Variants in PRKAR1A observed in about 807,000 individuals in gnomAD.
PRKAR1A encodes the protein cAMP-dependent protein kinase type I-alpha regulatory subunit.
PRKAR1A carries 3 observed loss-of-function variants against 52.0 expected under a neutral mutation model. The observed-to-expected ratio is 0.06, with a 90% CI of 0.03 to 0.15. PRKAR1A has a LOEUF of 0.15. Among genes scored for constraint, PRKAR1A ranks in the 10% least tolerant of loss-of-function variants. The probability of loss-of-function intolerance (pLI) is 1.00; values close to 1 mark genes in which losing one functional copy is unlikely to be tolerated. For synonymous variants in PRKAR1A, 188 were observed against 168.4 expected, an observed-to-expected ratio of 1.12 and a Z score of -0.90; for missense variants, 240 against 477.4, an observed-to-expected ratio of 0.50 and a Z score of 4.63.
At chr17:68,528,180 C>G (rs1040539587) in intron 8 of PRKAR1A, among the ~76,000 whole-genome samples, 5 of 152,190 alleles carry the variant, frequency 3.3e-5, no homozygotes, top group Non-Finnish European at 5.9e-5. Context: ...CTGGCATCCT[C>G]TGAAAACATG....
the PRKAR1A span, among the ~76,000 whole-genome samples, chr17:68,415,458 A>G: frequency 6.6e-6 from 1 of 152,164 alleles, no homozygotes; most frequent in Admixed American, 6.5e-5. Context: ...TGTCTTGGAG[A>G]AAGTTCCATG....
At chr17:68,520,248 G>T (rs1426052928) in intron 2 of PRKAR1A, among the ~76,000 whole-genome samples, 2 of 152,316 alleles carry the variant, frequency 1.3e-5, no homozygotes, top group East Asian at 1.9e-4. Flanking sequence ...CCTTAAGTCA[G>T]TGGGGTGGGA....
intron 1 of PRKAR1A, 139 bp from the exon 2 acceptor site, chr17:68,515,255 C>T (rs577340463): frequency 1.7e-5 from 14 of 832,360 alleles, no homozygotes; most frequent in Middle Eastern, 3.4e-4. Context: ...CCCTAGTCCC[C>T]ACTTCCCTGT....
chr17:68,426,261 T>C, the PRKAR1A span: 1 of 934,408 alleles, frequency 1.1e-6, no homozygotes, highest in South Asian at 1.3e-5. Context: ...GGGGCTCAAA[T>C]AAAGGGCAAA....
At chr17:68,514,605 T>A (rs2085371265) in intron 1 of PRKAR1A, among the ~76,000 whole-genome samples, 1 of 152,224 alleles carries the variant, frequency 6.6e-6, no homozygotes. Context: ...CTATTGAATC[T>A]TCATGCAAGT....
the PRKAR1A span, among the ~76,000 whole-genome samples, chr17:68,473,562 G>A: frequency 6.6e-5 from 10 of 151,766 alleles, no homozygotes; most frequent in South Asian, 2.1e-4. Flanking sequence ...TCACTCTGTC[G>A]CCCAGGCTGG....
At chr17:68,431,195 C>T in the PRKAR1A span, among the ~76,000 whole-genome samples, 18 of 152,250 alleles carry the variant, frequency 1.2e-4, 1 homozygote, top group African/African-American at 4.3e-4. Context: ...AGTTAATATG[C>T]GGTGCTGCAC....
the PRKAR1A span, among the ~76,000 whole-genome samples, chr17:68,479,767 C>T: frequency 1.3e-5 from 2 of 152,144 alleles, no homozygotes; most frequent in Middle Eastern, 3.2e-3. Context: ...AAGAAATACC[C>T]AAGACTGGGT....
At chr17:68,477,105 C>T in the PRKAR1A span, among the ~76,000 whole-genome samples, 1 of 152,158 alleles carries the variant, frequency 6.6e-6, no homozygotes, top group Non-Finnish European at 1.5e-5. Flanking sequence ...AAGTCCCAAA[C>T]ACTCTCTTCT....
the PRKAR1A span, among the ~76,000 whole-genome samples, chr17:68,443,988 G>T: frequency 6.6e-6 from 1 of 152,144 alleles, no homozygotes; most frequent in Non-Finnish European, 1.5e-5. Context: ...TAAATCCCGA[G>T]AATTCAGTAA....
the PRKAR1A span, chr17:68,421,364 C>A: frequency 6.0e-6 from 1 of 167,014 alleles, no homozygotes. Context: ...CCAAAAAAGA[C>A]TTTGCCTGGC....
intron 11 of PRKAR1A, among the ~76,000 whole-genome samples, chr17:68,549,403 A>G (rs1267421175): frequency 1.3e-5 from 2 of 151,978 alleles, no homozygotes; most frequent in African/African-American, 4.8e-5. Context: ...CTGAGGCAGG[A>G]TAATTGCTTG....
At chr17:68,455,547 T>C in the PRKAR1A span, among the ~76,000 whole-genome samples, 2 of 152,294 alleles carry the variant, frequency 1.3e-5, no homozygotes, top group South Asian at 4.1e-4. Flanking sequence ...AGTAAGGGGC[T>C]TGACTTATTT....
At chr17:68,489,270 ATATATATATATATATATATGGAAAG>A in the PRKAR1A span, among the ~76,000 whole-genome samples, 48 of 15,222 alleles carry the variant, frequency 3.2e-3, 5 homozygotes, top group Middle Eastern at 0.026. Context: ...TGGAAAGTAT[ATATATATATATATATATATGGAAAG>A]TATATATATA....
chr17:68,457,116 A>G, the PRKAR1A span, among the ~76,000 whole-genome samples: 9 of 150,320 alleles, frequency 6.0e-5, no homozygotes, highest in Admixed American at 4.0e-4. Context: ...CCTTGGCCCA[A>G]CCTTGTCGCT....
At chr17:68,464,734 G>T in the PRKAR1A span, among the ~76,000 whole-genome samples, 4 of 151,646 alleles carry the variant, frequency 2.6e-5, no homozygotes, top group African/African-American at 4.8e-5. Flanking sequence ...CATTGAAAAG[G>T]TTTATTCCTC....
At chr17:68,442,992 A>G in the PRKAR1A span, among the ~76,000 whole-genome samples, 1 of 152,190 alleles carries the variant, frequency 6.6e-6, no homozygotes, top group African/African-American at 2.4e-5. Context: ...AAAACTTACC[A>G]CCCACAGCTT....
At chr17:68,452,497 G>A in the PRKAR1A span, among the ~76,000 whole-genome samples, 2 of 152,130 alleles carry the variant, frequency 1.3e-5, no homozygotes, top group Non-Finnish European at 2.9e-5. Context: ...CCCAGGAGGT[G>A]GAGGTTGCAG....
the PRKAR1A span, among the ~76,000 whole-genome samples, chr17:68,424,049 G>A: frequency 6.6e-6 from 1 of 152,118 alleles, no homozygotes; most frequent in Admixed American, 6.6e-5. Context: ...TCGACTTCAG[G>A]TAAATAACCA....
Sources: allele counts gnomAD v4.1 joint callset (sites outside exome capture counted in the v4.1 genomes callset), GRCh38; gene constraint gnomAD v4.1.1; transcripts MANE v1.5; gene names NCBI Gene and HGNC (gene_info 2026-07-23, HGNC 2026-07-21).